Variants in CDH10 observed in about 807,000 individuals in gnomAD.
CDH10 encodes the protein cadherin-10.
Under a neutral mutation model 73.1 loss-of-function variants are expected in CDH10, and 30 were observed. The observed-to-expected ratio is 0.41, with a 90% CI of 0.31 to 0.56. The LOEUF (loss-of-function observed/expected upper bound fraction) is 0.56, where lower values mean the gene tolerates loss of function less well. CDH10 is among the 20% of genes least tolerant of loss of function. The probability of loss-of-function intolerance (pLI) is 0.27; values close to 1 mark genes in which losing one functional copy is unlikely to be tolerated. For missense variants in CDH10, 815 were observed against 973.7 expected (o/e 0.84, Z 2.17); for synonymous variants, 345 against 348.2 (o/e 0.99, Z 0.10).
rs187248126 is a variant in CDH10, at chr5:24,583,932, C to T, written c.231+9328G>A. On this transcript the variant is annotated intron_variant, in intron 2 of 11. Coordinates refer to ENST00000264463, the MANE Select transcript of CDH10 (RefSeq NM_006727.5). ...TGCTGGGATTACAGGCGTGAGCCAC[C>T]GTGCCCGGCCAAGAATATTCTTAAT... Among the ~76,000 whole-genome samples the T allele has an allele frequency of 1.2e-3, 186 of 152,238 alleles. 1 individual carries two copies. In the Middle Eastern group the frequency reaches 0.017, roughly 14 times the overall value.
chr5:24,497,025 C>CT (rs1561122992), intron 9 of CDH10, among the ~76,000 whole-genome samples: 1 of 151,984 alleles, frequency 6.6e-6, no homozygotes, highest in Non-Finnish European at 1.5e-5. Flanking sequence ...GGCTAATTCC[C>CT]TTTTTATTGA....
chr5:24,568,228 T>G (rs1745235765), intron 2 of CDH10, among the ~76,000 whole-genome samples: 1 of 152,062 alleles, frequency 6.6e-6, no homozygotes, highest in Admixed American at 6.5e-5. Context: ...ACGACATCCA[T>G]AAAGAAATAT....
At chr5:24,641,832 C>A (rs1209429009) in intron 1 of CDH10, among the ~76,000 whole-genome samples, 1 of 152,012 alleles carries the variant, frequency 6.6e-6, no homozygotes, top group East Asian at 1.9e-4. Context: ...TCTTTTGAAA[C>A]CCTATTCCAG....
chr5:24,533,992 A>G (rs1337483130), intron 5 of CDH10, among the ~76,000 whole-genome samples: 3 of 152,086 alleles, frequency 2.0e-5, no homozygotes, highest in African/African-American at 7.2e-5. Flanking sequence ...CTTTCCAAAT[A>G]CATGCTTTTA....
chr5:24,586,993 C>T (rs867061033), intron 2 of CDH10, among the ~76,000 whole-genome samples: 6 of 151,368 alleles, frequency 4.0e-5, no homozygotes, highest in Admixed American at 2.6e-4. Flanking sequence ...TACAGGCGCC[C>T]GCCACCGTGC....
At chr5:24,594,279 C>T (rs1327961888) in intron 1 of CDH10, among the ~76,000 whole-genome samples, 1 of 151,924 alleles carries the variant, frequency 6.6e-6, no homozygotes, top group Non-Finnish European at 1.5e-5. Flanking sequence ...AGATAATCTG[C>T]TTCTAACTAC....
chr5:24,562,228 C>A (rs1036232712), intron 2 of CDH10, among the ~76,000 whole-genome samples: 2 of 151,926 alleles, frequency 1.3e-5, no homozygotes, highest in Admixed American at 6.6e-5. Context: ...TGTCACCATG[C>A]CATGTTCAAA....
intron 1 of CDH10, among the ~76,000 whole-genome samples, chr5:24,594,365 C>T (rs62349627): frequency 0.27 from 40,571 of 151,814 alleles, 6,332 homozygotes; most frequent in Admixed American, 0.41. Flanking sequence ...TCTCTACACC[C>T]TCCGTGCCAC....
At chr5:24,589,490 A>ATTTT (rs34964738) in intron 2 of CDH10, among the ~76,000 whole-genome samples, 6 of 145,912 alleles carry the variant, frequency 4.1e-5, no homozygotes, top group African/African-American at 1.5e-4. Flanking sequence ...TATGTTACTG[A>ATTTT]TTTTTTTTTT....
rs141351044 is a variant in CDH10, at chr5:24,535,788, G to A, written c.561C>T (p.Ala187=). The A allele has an allele frequency of 1.9e-4, 310 of 1,609,374 alleles. No homozygotes were observed. Among genetic ancestry groups the A allele is most frequent in the Middle Eastern group, 3.3e-4 (2 of 6,042 alleles). ...TSVVQVTATD[A]DDPSYGNSAR... is the part of the protein sequence containing the mutation. ...CGCTGTTCCCATATGAAGGGTCATC[G>A]GCATCTGTAGCTGTGACTTGCACCA... The change falls in exon 4 of 12, where the codon GCC becomes GCT. Residue 187 remains alanine, a synonymous_variant. Transcript: ENST00000264463.
intron 2 of CDH10, among the ~76,000 whole-genome samples, chr5:24,569,949 A>G (rs764165093): frequency 6.6e-6 from 1 of 151,802 alleles, no homozygotes; most frequent in Non-Finnish European, 1.5e-5. Context: ...TATTTTTAGT[A>G]GAGACGGGGT....
At chr5:24,492,350 T>A (rs1742088378) in intron 10 of CDH10, among the ~76,000 whole-genome samples, 1 of 152,218 alleles carries the variant, frequency 6.6e-6, no homozygotes. Flanking sequence ...GAGGCATGCA[T>A]CTTGCCATTG....
chr5:24,519,991 C>T (rs1440750610), intron 5 of CDH10, among the ~76,000 whole-genome samples: 3 of 152,132 alleles, frequency 2.0e-5, no homozygotes, highest in Non-Finnish European at 4.4e-5. Flanking sequence ...CCATCTCCTC[C>T]CTGTGTGTTC....
chr5:24,496,554 T>C (rs904706678), intron 9 of CDH10, among the ~76,000 whole-genome samples: 37 of 152,156 alleles, frequency 2.4e-4, no homozygotes, highest in Non-Finnish European at 2.9e-5. Flanking sequence ...GGAATGGTCA[T>C]TAGTTTTATT....
intron 1 of CDH10, among the ~76,000 whole-genome samples, chr5:24,595,072 T>A (rs950367292): frequency 1.3e-4 from 20 of 151,914 alleles, no homozygotes; most frequent in African/African-American, 4.8e-4. Context: ...TATATTATTC[T>A]TCACTTATAA....
chr5:24,511,632 C>T (rs1282502265), intron 5 of CDH10, 118 bp from the exon 6 acceptor site: 3 of 606,774 alleles, frequency 4.9e-6, no homozygotes, highest in South Asian at 2.0e-5. Context: ...ATGTAAGACG[C>T]AATATAATAG....
In CDH10 at chr5:24,644,721, A is replaced by C. The variant is rs2112230400; in HGVS notation, c.-251T>G. The C allele has an allele frequency of 6.6e-6, 1 of 151,938 alleles. No individual in the cohort carries two copies. The highest frequency in any genetic ancestry group is 2.1e-4 in the South Asian group (1 of 4,812). 9.4% of individuals were successfully genotyped at this position (151,938 alleles called of 1,614,324 possible). On this transcript the variant is annotated 5_prime_UTR_variant, in exon 1 of 12. Transcript: ENST00000264463. ...CTATCACTGATTCTACTTCAATCTA[A>C]CTCAAGCTCTTTCTCAGCATCACTT...
chr5:24,587,122 G>A (rs1057296633), intron 2 of CDH10, among the ~76,000 whole-genome samples: 1 of 152,106 alleles, frequency 6.6e-6, no homozygotes, highest in African/African-American at 2.4e-5. Context: ...GGGATTACAG[G>A]CGTGAGCCAC....
intron 2 of CDH10, among the ~76,000 whole-genome samples, chr5:24,585,322 A>G (rs1745955028): frequency 6.6e-6 from 1 of 152,166 alleles, no homozygotes; most frequent in South Asian, 2.1e-4. Flanking sequence ...GTATCACTCA[A>G]CAAGATCAGT....
Sources: gnomAD v4.1 joint callset for allele counts (sites outside exome capture counted in the v4.1 genomes callset) on GRCh38, gnomAD v4.1.1 for gene constraint, MANE v1.5 for transcripts, NCBI Gene and HGNC (gene_info 2026-07-23, HGNC 2026-07-21) for gene names.